CDH18: variants seen among roughly 807,000 people sequenced by gnomAD.
CDH18 encodes the protein cadherin 18.
Under a neutral mutation model 67.9 loss-of-function variants are expected in CDH18, and 31 were observed. The ratio of observed to expected loss-of-function variants is 0.46; its 90% CI spans 0.34 to 0.62. The LOEUF is 0.62. CDH18 is among the 20% of genes least tolerant of loss of function. CDH18 has a pLI of 0.01. For missense variants in CDH18, 890 were observed against 975.5 expected, an observed-to-expected ratio of 0.91 and a Z score of 1.17; for synonymous variants, 362 against 347.2, an observed-to-expected ratio of 1.04 and a Z score of -0.48.
At chr5:20,106,800 A>G (rs1036549273) in intron 2 of CDH18, among the ~76,000 whole-genome samples, 1 of 152,200 alleles carries the variant, frequency 6.6e-6, no homozygotes, top group East Asian at 1.9e-4. Flanking sequence ...CCAATGACCT[A>G]TTTGTGTGGG....
intron 1 of CDH18, among the ~76,000 whole-genome samples, chr5:20,421,663 G>A (rs1747869787): frequency 6.6e-6 from 1 of 150,904 alleles, no homozygotes; most frequent in Admixed American, 6.6e-5. Flanking sequence ...TCATGGGTTA[G>A]CATGAAGGAT....
chr5:20,130,063 ATTATTATTATTG>A (rs1261321790), intron 2 of CDH18, among the ~76,000 whole-genome samples: 3 of 55,290 alleles, frequency 5.4e-5, no homozygotes, highest in Admixed American at 5.4e-4. Context: ...TGGCAATATT[ATTATTATTATTG>A]TTATTATTAT....
intron 1 of CDH18, among the ~76,000 whole-genome samples, chr5:20,556,139 A>T (rs1757895038): frequency 6.6e-6 from 1 of 152,184 alleles, no homozygotes; most frequent in Non-Finnish European, 1.5e-5. Flanking sequence ...AGAATATTGC[A>T]TAGCTGAAGA....
chr5:19,994,734 TATATAGAG>T (rs1396277614), intron 2 of CDH18, among the ~76,000 whole-genome samples: 19 of 9,930 alleles, frequency 1.9e-3, no homozygotes, highest in Non-Finnish European at 2.2e-3. Context: ...TATATATATA[TATATAGAG>T]AGAGAGAGAG....
intron 7 of CDH18, among the ~76,000 whole-genome samples, chr5:19,584,577 C>T (rs1465376121): frequency 2.6e-5 from 4 of 151,804 alleles, no homozygotes; most frequent in Non-Finnish European, 4.4e-5. Flanking sequence ...ATTGATAATC[C>T]TAATCAGAAG....
At chr5:20,539,073 G>A (rs1015372969) in intron 1 of CDH18, among the ~76,000 whole-genome samples, 2 of 151,754 alleles carry the variant, frequency 1.3e-5, no homozygotes, top group African/African-American at 4.8e-5. Flanking sequence ...ATTTTTAGTA[G>A]AGACAGAGTT....
At chr5:19,748,349 A>G (rs1376545536) in intron 3 of CDH18, among the ~76,000 whole-genome samples, 3 of 152,058 alleles carry the variant, frequency 2.0e-5, no homozygotes, top group Non-Finnish European at 2.9e-5. Context: ...GAGGTATTCA[A>G]TAAGAAAAAT....
intron 2 of CDH18, among the ~76,000 whole-genome samples, chr5:20,105,175 C>T (rs1281086928): frequency 6.6e-6 from 1 of 151,884 alleles, no homozygotes. Flanking sequence ...TTAGTAGAGA[C>T]CGGGTTTCAC....
intron 1 of CDH18, among the ~76,000 whole-genome samples, chr5:20,554,858 C>T (rs1003509463): frequency 7.9e-5 from 12 of 152,104 alleles, no homozygotes; most frequent in Admixed American, 7.9e-4. Context: ...TAAAGAAGAC[C>T]AAACTTGTCT....
intron 2 of CDH18, among the ~76,000 whole-genome samples, chr5:20,247,759 CA>C (rs34347567): frequency 2.4e-3 from 313 of 129,150 alleles, no homozygotes; most frequent in Middle Eastern, 8.1e-3. Context: ...GCGAGACCAT[CA>C]AAAAAAAAAA....
At chr5:19,759,528 T>C (rs1484804359) in intron 3 of CDH18, among the ~76,000 whole-genome samples, 1 of 152,066 alleles carries the variant, frequency 6.6e-6, no homozygotes, top group Admixed American at 6.5e-5. Context: ...ACAGGCCGAG[T>C]CCAGGGACCC....
chr5:19,675,460 T>G (rs1316047737), intron 5 of CDH18, among the ~76,000 whole-genome samples: 1 of 152,058 alleles, frequency 6.6e-6, no homozygotes. Flanking sequence ...AGGCCTCCCC[T>G]TAGGAACGCA....
intron 1 of CDH18, among the ~76,000 whole-genome samples, chr5:20,267,541 T>A (rs1745134167): frequency 6.6e-6 from 1 of 152,176 alleles, no homozygotes; most frequent in Admixed American, 6.6e-5. Context: ...GTATAAAATA[T>A]TTTTCCATTT....
At chr5:20,172,194 A>ATATATATG in intron 2 of CDH18, among the ~76,000 whole-genome samples, 1 of 40,836 alleles carries the variant, frequency 2.4e-5, no homozygotes, top group African/African-American at 1.6e-4. Context: ...TTGTGTGTAT[A>ATATATATG]TATATATATA....
chr5:19,975,201 A>C (rs1798386939), intron 2 of CDH18, among the ~76,000 whole-genome samples: 3 of 152,194 alleles, frequency 2.0e-5, no homozygotes, highest in Admixed American at 2.0e-4. Flanking sequence ...TTTTACTTAA[A>C]TAATTTCTAT....
chr5:19,935,361 C>A (rs752091998), intron 2 of CDH18, among the ~76,000 whole-genome samples: 3 of 151,308 alleles, frequency 2.0e-5, no homozygotes, highest in African/African-American at 7.3e-5. Context: ...ATTGAGGTTT[C>A]GGTCACCAAC....
At chr5:20,377,916 AATTAT>A (rs1743592576) in intron 1 of CDH18, among the ~76,000 whole-genome samples, 1 of 111,994 alleles carries the variant, frequency 8.9e-6, no homozygotes, top group Non-Finnish European at 1.6e-5. Context: ...TTAACTTCTC[AATTAT>A]GAATTTGCTC....
At chr5:19,626,492 T>A (rs1452943648) in intron 5 of CDH18, among the ~76,000 whole-genome samples, 2 of 152,134 alleles carry the variant, frequency 1.3e-5, no homozygotes, top group Admixed American at 1.3e-4. Flanking sequence ...TATAAACAGT[T>A]ATTCATTCCT....
intron 2 of CDH18, among the ~76,000 whole-genome samples, chr5:19,931,926 C>T (rs1363158467): frequency 6.6e-6 from 1 of 151,736 alleles, no homozygotes; most frequent in Admixed American, 6.6e-5. Flanking sequence ...CCCTTTTCCT[C>T]CCATTGTTCC....
Sources: allele counts gnomAD v4.1 joint callset (sites outside exome capture counted in the v4.1 genomes callset), GRCh38; gene constraint gnomAD v4.1.1; transcripts MANE v1.5; gene names NCBI Gene and HGNC (gene_info 2026-07-23, HGNC 2026-07-21).